Variants in MRC2 observed in about 807,000 individuals in gnomAD.
MRC2 encodes the protein mannose receptor C-type 2, also known as C-type mannose receptor 2.
Under a neutral mutation model 206.2 loss-of-function variants are expected in MRC2, and 84 were observed. That is an observed-to-expected ratio of 0.41 (90% CI 0.34 to 0.49). The LOEUF (loss-of-function observed/expected upper bound fraction) is 0.49. Ranked by LOEUF, MRC2 falls within the 20% of genes least tolerant of loss-of-function variation. The pLI, the probability that MRC2 is intolerant of heterozygous loss-of-function variation, is 0.31. For synonymous variants in MRC2, 798 were observed against 800.0 expected (o/e 1.00, Z 0.04); for missense variants, 1,676 against 2,001.5 (o/e 0.84, Z 3.10).
chr17:62,637,863 C>T (rs1202903270), intron 1 of MRC2, among the ~76,000 whole-genome samples: 2 of 152,156 alleles, frequency 1.3e-5, no homozygotes, highest in South Asian at 2.1e-4. Flanking sequence ...ACCTTGTCCA[C>T]GGTGGCATTT....
Position 62,666,975 on chromosome 17 carries a change from T to A in MRC2, c.973+105T>A. On this transcript the variant is annotated intron_variant, in intron 5 of 29. Transcript: ENST00000303375. The surrounding 1 kb of genome is among the most constrained non-coding windows in gnomAD (Gnocchi z 5.0). ...TCCTCCTGCAGAGGGGCAGTGTGGG[T>A]AGGGGAAGCACCGACCTCCACCCCC... The A allele has an allele frequency of 1.1e-6, 1 of 893,336 alleles. No individual in the cohort carries two copies. Among genetic ancestry groups the A allele is most frequent in the Non-Finnish European group, 1.8e-6 (1 of 568,160 alleles). The allele number at this position is 893,336 out of a possible 1,614,324, so 55.3% of individuals were successfully genotyped here.
intron 20 of MRC2, among the ~76,000 whole-genome samples, chr17:62,685,663 C>T (rs1183805146): frequency 1.3e-5 from 2 of 152,148 alleles, no homozygotes; most frequent in African/African-American, 2.4e-5. Flanking sequence ...CCTCAGCCTC[C>T]TGAGTAGCTG....
chr17:62,692,386 C>A lies in MRC2; in HGVS notation c.4375C>A (p.Pro1459Thr), dbSNP rs751681043. ...GARYSRSSSS[P>T]TEATEKNILV... The stretch of plus-strand genomic sequence containing the variant: ...CCGCTACAGCCGCAGCAGCTCCAGC[C>A]CCACCGAGGCCACTGAGAAGAACAT... Residue 1459 changes from proline to threonine, a missense_variant, in exon 30 of 30, where the codon CCC becomes ACC. Transcript: ENST00000303375. The surrounding 1 kb of genome is among the most constrained non-coding windows in gnomAD (Gnocchi z 4.2). 1.3e-6 allele frequency: 2 copies of A among 1,574,660 alleles called. No homozygotes were observed. The highest frequency in any genetic ancestry group is 1.9e-5 in the Admixed American group (1 of 53,246).
chr17:62,652,708 T>G lies in MRC2; in HGVS notation c.119-11840T>G, dbSNP rs1598974958. On this transcript the variant is annotated intron_variant, in intron 1 of 29. Transcript: ENST00000303375. The surrounding 1 kb of genome is among the most constrained non-coding windows in gnomAD (Gnocchi z 4.6). ...CCACAGATTGAGGGGCGCACGGCGG[T>G]GGAGGGAGGGGCGCCCAGTGGAGAG... 1.9e-5 allele frequency among the ~76,000 whole-genome samples: 2 copies of G among 107,866 alleles called. No homozygotes were observed. The highest frequency in any genetic ancestry group is 9.9e-5 in the Admixed American group (1 of 10,152). The allele number at this position is 107,866 out of a possible 152,430, so 70.8% of individuals were successfully genotyped here.
At chr17:62,665,532 CAT>C (rs1043610309) in intron 2 of MRC2, among the ~76,000 whole-genome samples, 4 of 151,886 alleles carry the variant, frequency 2.6e-5, no homozygotes, top group African/African-American at 9.7e-5. Context: ...AAGTATATAA[CAT>C]AAAATTAAAT....
At chr17:62,634,745 G>A (rs1196786642) in intron 1 of MRC2, among the ~76,000 whole-genome samples, 1 of 152,120 alleles carries the variant, frequency 6.6e-6, no homozygotes, top group Non-Finnish European at 1.5e-5. Flanking sequence ...AACCTCTTGG[G>A]AACGCAGCCC....
intron 1 of MRC2, among the ~76,000 whole-genome samples, chr17:62,649,000 C>T (rs1187260415): frequency 6.6e-6 from 1 of 152,226 alleles, no homozygotes; most frequent in Non-Finnish European, 1.5e-5. Flanking sequence ...CCTTCTCTCC[C>T]TTTGTCCTCC....
chr17:62,669,085 AACACACACACACACAC>A (rs72222842), intron 6 of MRC2, among the ~76,000 whole-genome samples: 203 of 143,164 alleles, frequency 1.4e-3, no homozygotes, highest in African/African-American at 4.7e-3. Flanking sequence ...AAAATATGGC[AACACACACACACACAC>A]ACACACACAC....
At position 62,633,141 on chromosome 17, in the gene MRC2, T is replaced by C. The variant is rs138944432; in HGVS notation, c.118+5221T>C. Reference sequence around the variant, plus strand: ...AATGAGATCATGAACGTATGAGATATGTCCCTGGTACACTACTGGGCACAG... The same window carrying C: ...AATGAGATCATGAACGTATGAGATACGTCCCTGGTACACTACTGGGCACAG... On this transcript the variant is annotated intron_variant, in intron 1 of 29. Transcript: ENST00000303375. Among the ~76,000 whole-genome samples, 464 of 152,308 alleles carry C rather than the reference T, an allele frequency of 3.0e-3. 3 individuals carry two copies. Among genetic ancestry groups the C allele is most frequent in the South Asian group, 0.01 (50 of 4,824 alleles).
chr17:62,677,998 C>T (rs2088915800), intron 12 of MRC2, among the ~76,000 whole-genome samples: 1 of 152,072 alleles, frequency 6.6e-6, no homozygotes, highest in African/African-American at 2.4e-5. Flanking sequence ...TGCAGTGAGC[C>T]GAGATCGTGC....
At position 62,680,992 on chromosome 17, in the gene MRC2, C is replaced by T. The variant is rs775285977; in HGVS notation, c.2634+32C>T. 6.2e-6 allele frequency: 10 copies of T among 1,611,784 alleles called. No individual in the cohort carries two copies. The highest frequency in any genetic ancestry group is 8.5e-6 in the Non-Finnish European group (10 of 1,179,032). On this transcript the variant is annotated intron_variant, in intron 17 of 29. Coordinates refer to ENST00000303375, the MANE Select transcript of MRC2 (RefSeq NM_006039.5). This position sits in a 1 kb window ranked among gnomAD's most constrained non-coding sequence, Gnocchi z 4.8. ...ATTGGATTGAGCAGGGGGCTGCAGG[C>T]TGGGGGAGGGCAGGCCCGGGATGAG...
intron 6 of MRC2, among the ~76,000 whole-genome samples, chr17:62,668,923 C>A (rs1270996556): frequency 1.3e-5 from 2 of 151,986 alleles, no homozygotes; most frequent in African/African-American, 4.8e-5. Context: ...GAAGCCACCC[C>A]CCTTGCAAGG....
rs2089126851 is a variant in MRC2 at position 62,692,631 on chromosome 17, C to G, written c.*180C>G. On this transcript the variant is annotated 3_prime_UTR_variant, in exon 30 of 30. Transcript: ENST00000303375. This position sits in a 1 kb window ranked among gnomAD's most constrained non-coding sequence, Gnocchi z 4.2. ...GTGGGGTGCCACCCTCCCACAAGGG[C>G]TGGGCTGAGACCCAGCTGAGTGCAG... 1 of 647,220 alleles carries G rather than the reference C, an allele frequency of 1.5e-6. No homozygotes were observed. The highest frequency in any genetic ancestry group is 1.8e-5 in the African/African-American group (1 of 54,686). 40.1% of individuals were successfully genotyped at this position (647,220 alleles called of 1,614,324 possible). A position where few individuals can be genotyped will look rare whatever the true frequency, so the allele number is the denominator to read the frequency against.
intron 1 of MRC2, among the ~76,000 whole-genome samples, chr17:62,640,410 G>A (rs982874396): frequency 5.9e-5 from 9 of 152,302 alleles, no homozygotes; most frequent in Non-Finnish European, 1.2e-4. Flanking sequence ...GAGCAGGCTA[G>A]GCATGATTCC....
intron 1 of MRC2, among the ~76,000 whole-genome samples, chr17:62,650,527 C>T (rs544509791): frequency 6.6e-6 from 1 of 152,352 alleles, no homozygotes; most frequent in Admixed American, 6.5e-5. Context: ...CTGGAGTCCG[C>T]TCTGGAATAA....
rs762071935 is a variant in MRC2, at chr17:62,680,783, C to A, written c.2474-17C>A. The A allele has an allele frequency of 6.3e-7, 1 of 1,591,876 alleles. No homozygotes were observed. The highest frequency in any genetic ancestry group is 1.7e-5 in the Admixed American group (1 of 58,440). On this transcript the variant is annotated splice_polypyrimidine_tract_variant and intron_variant, in intron 16 of 29. Coordinates refer to ENST00000303375, the MANE Select transcript of MRC2 (RefSeq NM_006039.5). The surrounding 1 kb of genome is among the most constrained non-coding windows in gnomAD (Gnocchi z 4.8). ...CTCTGCCTGGCCGCCGCTCCCACGC[C>A]CGCGCTGCTCCTGCAGGCCGACGGG...
chr17:62,643,418 A>G (rs1215976201), intron 1 of MRC2, among the ~76,000 whole-genome samples: 1 of 152,116 alleles, frequency 6.6e-6, no homozygotes, highest in Admixed American at 6.6e-5. Flanking sequence ...CAGTCAGGAG[A>G]GTGGTTACCT....
chr17:62,677,867 T>G (rs542352531), intron 12 of MRC2, among the ~76,000 whole-genome samples: 1 of 152,016 alleles, frequency 6.6e-6, no homozygotes, highest in African/African-American at 2.4e-5. Flanking sequence ...CTGGCTAACA[T>G]GGTGAAACCC....
At position 62,686,152 on chromosome 17, in the gene MRC2, C is replaced by T. The variant is rs144419549; in HGVS notation, c.2947-2137C>T. Among the ~76,000 whole-genome samples the T allele has an allele frequency of 3.8e-3, 573 of 152,196 alleles. 5 individuals carry two copies. The highest frequency in any genetic ancestry group is 0.013 in the African/African-American group (548 of 41,524). On this transcript the variant is annotated intron_variant, in intron 20 of 29. Transcript: ENST00000303375. ...TGCATGTGCAATTCACGGTAGGGTT[C>T]GCACTCCTATGAGAATCTTGGCTGG...
Sources: allele counts gnomAD v4.1 joint callset (sites outside exome capture counted in the v4.1 genomes callset), GRCh38; gene constraint gnomAD v4.1.1; non-coding constraint Gnocchi (gnomAD v3.1); transcripts MANE v1.5; gene names NCBI Gene and HGNC (gene_info 2026-07-23, HGNC 2026-07-21).